The following LBP variants were observed in gnomAD, a reference collection of about 807,000 sequenced individuals.
The protein encoded by LBP is lipopolysaccharide-binding protein.
A neutral mutation model predicts 56.6 loss-of-function variants in LBP; 53 were observed. The observed-to-expected ratio is 0.94, with a 90% CI of 0.75 to 1.18. The LOEUF (loss-of-function observed/expected upper bound fraction) is 1.18. Ranked by LOEUF, LBP falls within the 50% of genes most tolerant of loss-of-function variation. The pLI is 0.00. For synonymous variants in LBP, 227 were observed against 247.5 expected (o/e 0.92, Z 0.78); for missense variants, 601 against 598.3 (o/e 1.00, Z -0.05).
chr20:38,370,686 A>T, intron 10 of LBP, 52 bp from the exon 11 acceptor site: 1 of 1,494,638 alleles, frequency 6.7e-7, no homozygotes, highest in South Asian at 1.1e-5. Context: ...CATCCTTCCT[A>T]TACATACAAC....
At chr20:38,366,705 T>C (rs1296040625) in intron 8 of LBP, 64 bp from the exon 9 acceptor site, 1 of 1,474,980 alleles carries the variant, frequency 6.8e-7, no homozygotes, top group Non-Finnish European at 9.5e-7. Flanking sequence ...GTCTCCCCAA[T>C]CTTCTTTAGA....
chr20:38,357,461 C>G (rs2076845391), intron 5 of LBP, among the ~76,000 whole-genome samples: 1 of 152,204 alleles, frequency 6.6e-6, no homozygotes, highest in Non-Finnish European at 1.5e-5. Flanking sequence ...GTACCTGGAC[C>G]AGCAAGGCTA....
rs906568554 is a variant in LBP, at chr20:38,374,111, C to T, written c.1401+98C>T. The T allele has an allele frequency of 3.9e-6, 5 of 1,271,710 alleles. No homozygotes were observed. The African/African-American group carries it at 5.9e-5, about 15-fold the overall frequency. The allele number at this position is 1,271,710 out of a possible 1,614,324, so 78.8% of individuals were successfully genotyped here. ...ATTCATGGGTGACACCCAGCCCAGCCCTGCAGCTGGGAAAGTCTGGCCAGG... is the reference window on the plus strand; with the variant it reads ...ATTCATGGGTGACACCCAGCCCAGCTCTGCAGCTGGGAAAGTCTGGCCAGG... On this transcript the variant is annotated intron_variant, in intron 14 of 14. Transcript: ENST00000217407.
chr20:38,373,810 T>C (rs2076908810), intron 13 of LBP, 127 bp from the exon 14 acceptor site: 1 of 793,998 alleles, frequency 1.3e-6, no homozygotes, highest in African/African-American at 1.7e-5. Flanking sequence ...ACCTACCTCA[T>C]AGTCTTGGAA....
At chr20:38,347,224 C>G (rs1037904811) in intron 1 of LBP, among the ~76,000 whole-genome samples, 1 of 152,138 alleles carries the variant, frequency 6.6e-6, no homozygotes, top group East Asian at 1.9e-4. Context: ...CCGTTAGGTA[C>G]TTTATGTATA....
chr20:38,367,840 C>T (rs957985499), intron 9 of LBP, among the ~76,000 whole-genome samples: 1 of 152,078 alleles, frequency 6.6e-6, no homozygotes, highest in Admixed American at 6.6e-5. Flanking sequence ...GAGTCTTGCC[C>T]CAAATTAAAC....
chr20:38,373,572 G>A (rs910954216), intron 13 of LBP, among the ~76,000 whole-genome samples: 2 of 152,228 alleles, frequency 1.3e-5, no homozygotes, highest in African/African-American at 4.8e-5. Context: ...TCTTTTGGCT[G>A]CAACAGAGAA....
rs2076843951 is a variant in LBP at position 38,357,022 on chromosome 20, AT to A, written c.588+1619del. Among the ~76,000 whole-genome samples, 3 of 151,956 alleles carry A rather than the reference AT, an allele frequency of 2.0e-5. No individual in the cohort carries two copies. In the South Asian group the frequency reaches 6.2e-4, roughly 32 times the overall value. Reference sequence around the variant, plus strand: ...AGGCACGTGCCACCATGCCCAGTTAATTTTTTGTATTTTTAGTAGAGACGGG... The same window carrying A: ...AGGCACGTGCCACCATGCCCAGTTAATTTTTGTATTTTTAGTAGAGACGGG... On this transcript the variant is annotated intron_variant, in intron 5 of 14. Transcript: ENST00000217407.
chr20:38,369,370 C>T (rs1207178344), intron 10 of LBP, among the ~76,000 whole-genome samples: 1 of 152,120 alleles, frequency 6.6e-6, no homozygotes, highest in Non-Finnish European at 1.5e-5. Flanking sequence ...ACCCCATTAT[C>T]TTTCTTCTCA....
At chr20:38,375,301 G>A (rs2083952110) in intron 14 of LBP, among the ~76,000 whole-genome samples, 2 of 148,502 alleles carry the variant, frequency 1.3e-5, no homozygotes. Flanking sequence ...TTTTTTTTTA[G>A]GCCAGGAGCG....
At chr20:38,374,595 A>G (rs2076911595) in intron 14 of LBP, among the ~76,000 whole-genome samples, 1 of 140,580 alleles carries the variant, frequency 7.1e-6, no homozygotes, top group Non-Finnish European at 1.6e-5. Flanking sequence ...ACACTCCGTC[A>G]AAAAAAAAAA....
chr20:38,373,501 C>T (rs2076907907), intron 13 of LBP, among the ~76,000 whole-genome samples: 1 of 152,212 alleles, frequency 6.6e-6, no homozygotes, highest in East Asian at 1.9e-4. Flanking sequence ...AGTCAATTGC[C>T]CAACTGCCTA....
At chr20:38,366,702 C>T in intron 8 of LBP, 67 bp from the exon 9 acceptor site, 1 of 1,456,234 alleles carries the variant, frequency 6.9e-7, no homozygotes. Flanking sequence ...CCTGTCTCCC[C>T]AATCTTCTTT....
intron 13 of LBP, among the ~76,000 whole-genome samples, chr20:38,373,521 G>T (rs181847336): frequency 6.6e-6 from 1 of 152,318 alleles, no homozygotes; most frequent in East Asian, 1.9e-4. Context: ...AGTCAAAAAA[G>T]AAAGCAAAAA....
At chr20:38,348,381 C>T (rs1185338328) in intron 1 of LBP, among the ~76,000 whole-genome samples, 40 of 151,612 alleles carry the variant, frequency 2.6e-4, no homozygotes, top group African/African-American at 9.2e-4. Flanking sequence ...GGCACAATCT[C>T]AGCTCACTGC....
At chr20:38,373,916 A>G (rs775717902) in intron 13 of LBP, 21 bp from the exon 14 acceptor site, 17 of 1,607,824 alleles carry the variant, frequency 1.1e-5, no homozygotes, top group Admixed American at 5.0e-5. Flanking sequence ...ATCTCTTTCA[A>G]TGTTGTGCTT....
rs552241770 is a variant in LBP at position 38,360,363 on chromosome 20, G to A, written c.589-341G>A. 1.6e-4 allele frequency among the ~76,000 whole-genome samples: 25 copies of A among 152,196 alleles called. No individual in the cohort carries two copies. In the South Asian group the frequency reaches 2.9e-3, roughly 18 times the overall value. On this transcript the variant is annotated intron_variant, in intron 5 of 14. Coordinates refer to ENST00000217407, the MANE Select transcript of LBP (RefSeq NM_004139.5). ...TGCTATTAAACTCTAAATTCTGAGA[G>A]GCCAGGACCTCCCAAAGGAAAACTT... is the stretch of plus-strand genomic sequence containing the variant.
At chr20:38,351,029 A>T in intron 3 of LBP, 90 bp downstream of exon 3, 2 of 1,520,778 alleles carry the variant, frequency 1.3e-6, no homozygotes, top group Non-Finnish European at 1.8e-6. Flanking sequence ...AGCTTATCAG[A>T]AAGGCCACGT....
intron 6 of LBP, among the ~76,000 whole-genome samples, chr20:38,363,097 G>T (rs976748172): frequency 6.6e-6 from 1 of 152,174 alleles, no homozygotes; most frequent in Non-Finnish European, 1.5e-5. Flanking sequence ...AAGGCCATCT[G>T]GGGGGTGTTC....
Sources: allele counts gnomAD v4.1 joint callset (sites outside exome capture counted in the v4.1 genomes callset), GRCh38; gene constraint gnomAD v4.1.1; transcripts MANE v1.5; gene names NCBI Gene and HGNC (gene_info 2026-07-23, HGNC 2026-07-21).